Variants in CSMD1 observed in about 807,000 individuals in gnomAD.
CSMD1 encodes CUB and sushi domain-containing protein 1.
A neutral mutation model predicts 417.5 loss-of-function variants in CSMD1; 213 were observed. That is an observed-to-expected ratio of 0.51 (90% CI 0.46 to 0.57). The LOEUF is 0.57. CSMD1 is among the 20% of genes least tolerant of loss of function. The pLI is 0.00. For synonymous variants in CSMD1, 2,862 were observed against 1,736.8 expected, an observed-to-expected ratio of 1.65 and a Z score of -16.11; for missense variants, 6,923 against 4,529.7, an observed-to-expected ratio of 1.53 and a Z score of -15.17.
chr8:3,188,183 T>C (rs1035683635), intron 35 of CSMD1, among the ~76,000 whole-genome samples: 14 of 147,958 alleles, frequency 9.5e-5, no homozygotes, highest in Non-Finnish European at 1.6e-4. Flanking sequence ...TAATATTATA[T>C]ATATATACCT....
intron 12 of CSMD1, among the ~76,000 whole-genome samples, chr8:3,439,281 G>GTATATATATATATATATA (rs1168340584): frequency 5.9e-4 from 32 of 54,292 alleles, no homozygotes; most frequent in Admixed American, 1.2e-3. Context: ...GGCAATGTCA[G>GTATATATATATATATATA]TATATATATA....
intron 7 of CSMD1, among the ~76,000 whole-genome samples, chr8:3,618,745 A>G (rs1390665169): frequency 2.6e-5 from 4 of 152,190 alleles, no homozygotes; most frequent in Admixed American, 2.6e-4. Flanking sequence ...GCAAATGCCC[A>G]ATGAAGAAAA....
Position 3,969,163 on chromosome 8 carries a change from T to C in CSMD1, c.818+28740A>G, listed in dbSNP as rs576245280. 3.3e-5 allele frequency among the ~76,000 whole-genome samples: 5 copies of C among 152,162 alleles called. 1 individual carries two copies. In the South Asian group the frequency reaches 6.2e-4, roughly 19 times the overall value. On this transcript the variant is annotated intron_variant, in intron 5 of 69. Coordinates refer to ENST00000635120, the MANE Select transcript of CSMD1 (RefSeq NM_033225.6). ...TACTCGAGAGGCTGAGGGAGGAGAA[T>C]TGCTTGAACCTGGGAGGCAGTGGTT... is the stretch of plus-strand genomic sequence containing the variant.
chr8:4,467,748 C>CA (rs1374571078), intron 2 of CSMD1, among the ~76,000 whole-genome samples: 3 of 152,056 alleles, frequency 2.0e-5, no homozygotes, highest in Non-Finnish European at 2.9e-5. Flanking sequence ...CTAAAGCTAA[C>CA]AAAATATTTA....
intron 3 of CSMD1, among the ~76,000 whole-genome samples, chr8:4,367,219 G>C (rs973854080): frequency 1.3e-5 from 2 of 152,092 alleles, no homozygotes; most frequent in Non-Finnish European, 2.9e-5. Flanking sequence ...GTTATTTTTT[G>C]TATGTGGTGT....
intron 21 of CSMD1, among the ~76,000 whole-genome samples, chr8:3,356,134 A>G (rs1327470968): frequency 1.3e-5 from 2 of 152,216 alleles, no homozygotes; most frequent in African/African-American, 4.8e-5. Flanking sequence ...CACACTTTTA[A>G]CTCAGTCGAC....
intron 3 of CSMD1, among the ~76,000 whole-genome samples, chr8:4,276,799 G>A (rs1236376946): frequency 6.6e-6 from 1 of 151,842 alleles, no homozygotes; most frequent in Non-Finnish European, 1.5e-5. Flanking sequence ...ATAGAACAGT[G>A]GTTTTCCCTG....
intron 3 of CSMD1, among the ~76,000 whole-genome samples, chr8:4,239,554 T>C (rs1348137046): frequency 2.0e-5 from 3 of 152,300 alleles, no homozygotes; most frequent in African/African-American, 7.2e-5. Flanking sequence ...CAGCATGTTA[T>C]GTGCCACCCC....
intron 5 of CSMD1, among the ~76,000 whole-genome samples, chr8:3,768,599 A>C (rs1798410176): frequency 6.6e-6 from 1 of 152,238 alleles, no homozygotes; most frequent in African/African-American, 2.4e-5. Context: ...CACAGAGTGT[A>C]ACATTAAATA....
At position 4,637,324 on chromosome 8, in the gene CSMD1, A is replaced by C; in HGVS notation, c.302+18T>G. 6.4e-7 allele frequency: 1 copy of C among 1,565,406 alleles called. No individual in the cohort carries two copies. The highest frequency in any genetic ancestry group is 2.2e-5 in the East Asian group (1 of 44,614). ...ATTCAAACAGTGCTAACTGTAATAT[A>C]AAAAGTTGATACCTTACCTCACTTT... On this transcript the variant is annotated intron_variant, in intron 2 of 69. Transcript: ENST00000635120.
intron 3 of CSMD1, among the ~76,000 whole-genome samples, chr8:4,105,615 A>G (rs971761137): frequency 3.9e-5 from 6 of 152,340 alleles, no homozygotes; most frequent in African/African-American, 1.4e-4. Flanking sequence ...AAGAGGAAAC[A>G]GGGAAAGCAA....
At chr8:4,457,718 T>A (rs1202585790) in intron 2 of CSMD1, among the ~76,000 whole-genome samples, 6 of 152,100 alleles carry the variant, frequency 3.9e-5, no homozygotes, top group Non-Finnish European at 8.8e-5. Flanking sequence ...CCCTTCCCGG[T>A]CCTTCATGTG....
intron 3 of CSMD1, among the ~76,000 whole-genome samples, chr8:4,257,789 C>T (rs1011114932): frequency 3.3e-5 from 5 of 152,156 alleles, no homozygotes; most frequent in African/African-American, 1.2e-4. Context: ...CGTAGGAATG[C>T]CACTAGCATT....
intron 3 of CSMD1, among the ~76,000 whole-genome samples, chr8:4,404,981 T>G (rs1006759352): frequency 8.5e-5 from 13 of 152,328 alleles, no homozygotes; most frequent in Admixed American, 6.5e-5. Flanking sequence ...ACAAGAGGAT[T>G]AGTCATTTTC....
At chr8:4,723,204 G>C (rs969336297) in intron 1 of CSMD1, among the ~76,000 whole-genome samples, 3 of 152,134 alleles carry the variant, frequency 2.0e-5, no homozygotes, top group Non-Finnish European at 4.4e-5. Context: ...GGAAGTCATA[G>C]AGTATAACGT....
intron 4 of CSMD1, among the ~76,000 whole-genome samples, chr8:4,021,054 G>C (rs1004543691): frequency 1.1e-4 from 17 of 152,170 alleles, no homozygotes; most frequent in African/African-American, 3.1e-4. Flanking sequence ...CCCAGTGACA[G>C]CATCAGAGCT....
At chr8:4,317,915 A>G (rs891493379) in intron 3 of CSMD1, among the ~76,000 whole-genome samples, 1 of 152,200 alleles carries the variant, frequency 6.6e-6, no homozygotes, top group Non-Finnish European at 1.5e-5. Context: ...AAGGAGAACA[A>G]AATGTCAAGA....
Position 3,548,070 on chromosome 8 carries a change from C to T in CSMD1, c.1344+26875G>A, listed in dbSNP as rs562409169. On this transcript the variant is annotated intron_variant, in intron 10 of 69. Coordinates refer to ENST00000635120, the MANE Select transcript of CSMD1 (RefSeq NM_033225.6). ...CCATGAAAGTAGGACAGTATTTTGA[C>T]CAAAATAAATAGGTCCACCAAAAAA... 5.3e-5 allele frequency among the ~76,000 whole-genome samples: 8 copies of T among 152,136 alleles called. No individual in the cohort carries two copies. The South Asian group carries it at 1.2e-3, about 24-fold the overall frequency.
chr8:3,364,647 A>T (rs549663390), intron 20 of CSMD1, among the ~76,000 whole-genome samples: 1 of 152,158 alleles, frequency 6.6e-6, no homozygotes, highest in Non-Finnish European at 1.5e-5. Flanking sequence ...GATTAAAGCC[A>T]TTAAAAGGGC....
Sources: gnomAD v4.1 joint callset for allele counts (sites outside exome capture counted in the v4.1 genomes callset) on GRCh38, gnomAD v4.1.1 for gene constraint, MANE v1.5 for transcripts, NCBI Gene and HGNC (gene_info 2026-07-23, HGNC 2026-07-21) for gene names.